The following DMD variants were observed in gnomAD, a reference collection of about 807,000 sequenced individuals.
The protein encoded by DMD is dystrophin.
Under a neutral mutation model 330.1 loss-of-function variants are expected in DMD, and 63 were observed. The observed-to-expected ratio is 0.19, with a 90% CI of 0.16 to 0.24. The LOEUF is 0.24. Among genes scored for constraint, DMD ranks in the 10% least tolerant of loss-of-function variants. The pLI is 1.00. For synonymous variants in DMD, 1,223 were observed against 959.8 expected (o/e 1.27, Z -5.07); for missense variants, 3,344 against 2,684.1 (o/e 1.25, Z -5.43).
chrX:31,891,360 A>T (rs961325419), intron 47 of DMD, among the ~76,000 whole-genome samples: 1 of 111,742 alleles, frequency 8.9e-6, no homozygotes, highest in African/African-American at 3.3e-5. Context: ...TGGAAACAAT[A>T]AAAAAATCAG....
chrX:31,237,019 T>C (rs2047797273), intron 63 of DMD, among the ~76,000 whole-genome samples: 1 of 111,912 alleles, frequency 8.9e-6, no homozygotes, highest in Non-Finnish European at 1.9e-5. Context: ...CCAATATCCA[T>C]GCCCTCTAAT....
intron 52 of DMD, among the ~76,000 whole-genome samples, chrX:31,700,564 G>A (rs767247826): frequency 8.9e-6 from 1 of 111,822 alleles, no homozygotes; most frequent in South Asian, 3.7e-4. Flanking sequence ...CTTCCCATAC[G>A]GAAAGATGAG....
intron 15 of DMD, among the ~76,000 whole-genome samples, chrX:32,567,520 C>T (rs941399661): frequency 9.0e-6 from 1 of 111,208 alleles, no homozygotes; most frequent in East Asian, 2.8e-4. Context: ...GTCAGCCTCA[C>T]GAGTAGCTGG....
intron 16 of DMD, among the ~76,000 whole-genome samples, chrX:32,564,603 T>C (rs1050172402): frequency 1.8e-5 from 2 of 112,233 alleles, no homozygotes; most frequent in Non-Finnish European, 3.8e-5. Context: ...TATGTAATGA[T>C]TGTGTGGGAA....
chrX:32,953,547 T>C (rs2091389948), intron 2 of DMD, among the ~76,000 whole-genome samples: 1 of 111,834 alleles, frequency 8.9e-6, no homozygotes, highest in Non-Finnish European at 1.9e-5. Context: ...TTTTAAATAG[T>C]TCGGAAAATT....
At chrX:32,535,170 G>A (rs945738441) in intron 17 of DMD, among the ~76,000 whole-genome samples, 5 of 111,532 alleles carry the variant, frequency 4.5e-5, no homozygotes, top group African/African-American at 6.5e-5. Context: ...CAGGGGTGAC[G>A]AAATAGATTC....
chrX:32,336,071 G>GTA (rs2097713085), intron 41 of DMD, among the ~76,000 whole-genome samples: 1 of 104,721 alleles, frequency 9.5e-6, no homozygotes, highest in Non-Finnish European at 1.9e-5. Flanking sequence ...TATAACGTGT[G>GTA]TATAACATGT....
At position 32,573,790 on chromosome X, in the gene DMD, AAGAACCC is replaced by A; in HGVS notation, c.1652_1658del (p.Trp551PhefsTer30). 8.3e-7 allele frequency: 1 copy of A among 1,211,765 alleles called. No homozygotes were observed. Among genetic ancestry groups the A allele is most frequent in the African/African-American group, 1.7e-5 (1 of 57,888 alleles). ...GCCATTTGAGAAGGATGTCTTGTAA[AAGAACCC>A]AGCGGTCTTCTGTCCATCTACAGAT... is the stretch of plus-strand genomic sequence containing the variant. On this transcript the variant is annotated frameshift_variant, in exon 14 of 79. Transcript: ENST00000357033. LOFTEE classifies it high-confidence loss of function.
chrX:32,165,698 G>A (rs1202481877), intron 44 of DMD, among the ~76,000 whole-genome samples: 1 of 111,551 alleles, frequency 9.0e-6, no homozygotes, highest in Non-Finnish European at 1.9e-5. Flanking sequence ...GGAGGGGCCA[G>A]GAGCAAAATG....
chrX:32,228,128 T>G, intron 43 of DMD, among the ~76,000 whole-genome samples: 1 of 111,794 alleles, frequency 8.9e-6, no homozygotes, highest in Non-Finnish European at 1.9e-5. Context: ...AATTGATAAG[T>G]ACTCAAATAG....
rs1569324086 is a variant in DMD at position 31,138,684 on chromosome X, A to AGG, written c.10922-4491_10922-4490insCC. Among the ~76,000 whole-genome samples, 87 of 86,350 alleles carry AGG rather than the reference A, an allele frequency of 1.0e-3. 6 individuals carry two copies. Among genetic ancestry groups the AGG allele is most frequent in the African/African-American group, 3.8e-3 (81 of 21,312 alleles). The allele number at this position is 86,350 out of a possible 115,157, so 75.0% of individuals were successfully genotyped here. A position where few individuals can be genotyped will look rare whatever the true frequency, so the allele number is the denominator to read the frequency against. On this transcript the variant is annotated intron_variant, in intron 76 of 78. Transcript: ENST00000357033. Reference sequence around the variant, plus strand: ...GAGAGAGAGAGAGAGAGAGAGAGAGAGAGAAGGGGGAAGTGCCACACACTT... The same window carrying AGG: ...GAGAGAGAGAGAGAGAGAGAGAGAGAGGGAGAAGGGGGAAGTGCCACACACTT...
intron 26 of DMD, among the ~76,000 whole-genome samples, chrX:32,453,349 T>C (rs1349626893): frequency 9.0e-6 from 1 of 110,721 alleles, no homozygotes; most frequent in Non-Finnish European, 1.9e-5. Context: ...TTTTTAATAC[T>C]CTAGAAATGA....
intron 9 of DMD, among the ~76,000 whole-genome samples, chrX:32,685,108 CA>C (rs1569453914): frequency 9.0e-6 from 1 of 111,044 alleles, no homozygotes; most frequent in Non-Finnish European, 1.9e-5. Context: ...ATCAAGTGGC[CA>C]ATAAGCAATT....
intron 41 of DMD, among the ~76,000 whole-genome samples, chrX:32,335,471 C>T (rs1251937749): frequency 5.1e-5 from 5 of 98,301 alleles, no homozygotes; most frequent in African/African-American, 1.4e-4. Context: ...GTATATATAA[C>T]ATGTATTTAT....
At chrX:32,101,060 A>G (rs1044810324) in intron 44 of DMD, among the ~76,000 whole-genome samples, 9 of 112,205 alleles carry the variant, frequency 8.0e-5, no homozygotes, top group African/African-American at 2.6e-4. Flanking sequence ...AATGTGATTA[A>G]CACTTCTGCA....
intron 2 of DMD, among the ~76,000 whole-genome samples, chrX:32,984,595 T>TA (rs2092796401): frequency 8.9e-6 from 1 of 111,956 alleles, no homozygotes; most frequent in South Asian, 3.7e-4. Flanking sequence ...AAAAGGGAAG[T>TA]AAAAATAGTA....
At chrX:32,437,587 A>T (rs2098266477) in intron 29 of DMD, among the ~76,000 whole-genome samples, 1 of 111,704 alleles carries the variant, frequency 9.0e-6, no homozygotes, top group African/African-American at 3.3e-5. Flanking sequence ...AGGTTAGCAA[A>T]TTTTTCCTAC....
chrX:32,419,548 T>C (rs184257940), intron 29 of DMD, among the ~76,000 whole-genome samples: 24 of 112,356 alleles, frequency 2.1e-4, no homozygotes, highest in African/African-American at 7.1e-4. Context: ...TGTCTGCATA[T>C]ATATCCTTTA....
intron 21 of DMD, among the ~76,000 whole-genome samples, chrX:32,477,802 A>G (rs1179474765): frequency 1.8e-5 from 2 of 111,168 alleles, no homozygotes; most frequent in African/African-American, 6.5e-5. Context: ...AGAATGTACA[A>G]TAGAGAGAAG....
Sources: allele counts gnomAD v4.1 joint callset (sites outside exome capture counted in the v4.1 genomes callset), GRCh38; gene constraint gnomAD v4.1.1; transcripts MANE v1.5; gene names NCBI Gene and HGNC (gene_info 2026-07-23, HGNC 2026-07-21).